The following PDE8A variants were observed in gnomAD, a reference collection of about 807,000 sequenced individuals.
PDE8A encodes the protein high affinity cAMP-specific and IBMX-insensitive 3',5'-cyclic phosphodiesterase 8A.
A neutral mutation model predicts 105.0 loss-of-function variants in PDE8A; 59 were observed. The ratio of observed to expected loss-of-function variants is 0.56; its 90% CI spans 0.46 to 0.70. The LOEUF (loss-of-function observed/expected upper bound fraction) is 0.70. PDE8A is among the 30% of genes least tolerant of loss of function. The pLI is 0.00. For synonymous variants in PDE8A, 355 were observed against 371.9 expected (o/e 0.95, Z 0.52); for missense variants, 1,014 against 1,045.9 (o/e 0.97, Z 0.42).
intron 11 of PDE8A, 34 bp from the exon 12 acceptor site, chr15:85,109,019 C>T: frequency 1.4e-6 from 2 of 1,427,102 alleles, no homozygotes; most frequent in Non-Finnish European, 2.0e-6. Context: ...GTTTAAATAT[C>T]TTTGAAGAGG....
intron 17 of PDE8A, among the ~76,000 whole-genome samples, chr15:85,119,606 G>A (rs2082150525): frequency 1.3e-5 from 2 of 151,770 alleles, no homozygotes; most frequent in Non-Finnish European, 2.9e-5. Context: ...CATCTCAAGA[G>A]TCTGTAGGGT....
At chr15:85,049,792 T>C (rs1175723718) in intron 1 of PDE8A, among the ~76,000 whole-genome samples, 1 of 152,274 alleles carries the variant, frequency 6.6e-6, no homozygotes, top group Non-Finnish European at 1.5e-5. Context: ...GTTATGAACA[T>C]GTGCATACAG....
At chr15:85,050,136 G>A (rs1274895903) in intron 1 of PDE8A, among the ~76,000 whole-genome samples, 1 of 152,084 alleles carries the variant, frequency 6.6e-6, no homozygotes, top group Non-Finnish European at 1.5e-5. Context: ...AGAAGAATGT[G>A]TATGTTCAAG....
intron 11 of PDE8A, among the ~76,000 whole-genome samples, chr15:85,107,057 C>T (rs1005789043): frequency 2.6e-5 from 4 of 152,166 alleles, no homozygotes; most frequent in Non-Finnish European, 5.9e-5. Context: ...GAAGGCAAGA[C>T]AATAAAGCAG....
At chr15:85,028,614 A>AT (rs2080558689) in intron 1 of PDE8A, among the ~76,000 whole-genome samples, 1 of 152,166 alleles carries the variant, frequency 6.6e-6, no homozygotes, top group Admixed American at 6.5e-5. Flanking sequence ...TATTCCTTGT[A>AT]TTTCGCAATT....
chr15:85,058,146 T>C (rs559696799), intron 1 of PDE8A, among the ~76,000 whole-genome samples: 1 of 152,314 alleles, frequency 6.6e-6, no homozygotes, highest in South Asian at 2.1e-4. Flanking sequence ...AGTGGCACAG[T>C]CTTGTCTCAC....
chr15:85,079,040 AG>A (rs1358175363), intron 5 of PDE8A, among the ~76,000 whole-genome samples: 1 of 152,174 alleles, frequency 6.6e-6, no homozygotes, highest in African/African-American at 2.4e-5. Flanking sequence ...AAAAGTAGTG[AG>A]CTATAAACCC....
At position 85,123,179 on chromosome 15, in the gene PDE8A, C is replaced by T. The variant is rs2082208205; in HGVS notation, c.2071C>T (p.Leu691=). Residue 691 remains leucine, a synonymous_variant, in exon 19 of 22, where the codon CTA becomes TTA. Coordinates refer to ENST00000394553, the MANE Select transcript of PDE8A (RefSeq NM_002605.3). ...CAGCATCAACAAACCCTTGGCAACA[C>T]TAGAAGAAAATGGGGTAAGGGAAAC... The part of the protein sequence containing the change: ...VNSINKPLAT[L]EENGETDKNQ... 1.2e-6 allele frequency: 2 copies of T among 1,613,860 alleles called. No homozygotes were observed. The highest frequency in any genetic ancestry group is 1.7e-6 in the Non-Finnish European group (2 of 1,179,934).
rs2080888258 is a variant in PDE8A, at chr15:85,046,362, C to T, written c.187-18008C>T. ...CCACGCCCAGCCATTCTTTCTGTTT[C>T]TTAATGGAATAAAGTACCTATGAAA... On this transcript the variant is annotated intron_variant, in intron 1 of 21. Transcript: ENST00000394553. 2.0e-5 allele frequency among the ~76,000 whole-genome samples: 3 copies of T among 152,136 alleles called. No individual in the cohort carries two copies. In the South Asian group the frequency reaches 6.2e-4, roughly 32 times the overall value.
intron 1 of PDE8A, chr15:85,064,153 G>A: frequency 2.1e-6 from 1 of 476,278 alleles, no homozygotes. Context: ...CATTTTATTT[G>A]TTCATTTTAT....
At chr15:85,101,422 A>G (rs1453819383) in intron 11 of PDE8A, among the ~76,000 whole-genome samples, 4 of 152,204 alleles carry the variant, frequency 2.6e-5, no homozygotes, top group Admixed American at 2.6e-4. Context: ...ACAGGCATAG[A>G]AGGGGGAAAG....
rs2082410852 is a variant in PDE8A at position 85,136,423 on chromosome 15, A to G, written c.2254-111A>G. 3.4e-6 allele frequency: 4 copies of G among 1,162,846 alleles called. No homozygotes were observed. In the South Asian group the frequency reaches 5.9e-5, roughly 17 times the overall value. 72.0% of individuals were successfully genotyped at this position (1,162,846 alleles called of 1,614,324 possible). A position where few individuals can be genotyped will look rare whatever the true frequency, so the allele number is the denominator to read the frequency against. On this transcript the variant is annotated intron_variant, in intron 20 of 21. Transcript: ENST00000394553. ...GTGAGGTGGTGATTGGCTTCTCACCATGACAAGCCACCTTAGGCTGCCAGG... is the reference window on the plus strand; with the variant it reads ...GTGAGGTGGTGATTGGCTTCTCACCGTGACAAGCCACCTTAGGCTGCCAGG...
At chr15:85,001,123 C>T (rs989491230) in intron 1 of PDE8A, among the ~76,000 whole-genome samples, 8 of 152,180 alleles carry the variant, frequency 5.3e-5, no homozygotes, top group African/African-American at 1.9e-4. Flanking sequence ...TCTCCAGCTT[C>T]TTCCTGTGCC....
At position 85,132,837 on chromosome 15, in the gene PDE8A, TC is replaced by T. The variant is rs1477682357; in HGVS notation, c.2254-3696del. ...ACCTGTCATTTCCTATAGTTCCTGG[TC>T]TGTGTGTGTGTGTGTGTGTGTGTTT... On this transcript the variant is annotated intron_variant, in intron 20 of 21. Transcript: ENST00000394553. Among the ~76,000 whole-genome samples, 6 of 58,976 alleles carry T rather than the reference TC, an allele frequency of 1.0e-4. No homozygotes were observed. The African/African-American group carries it at 1.3e-3, about 13-fold the overall frequency. The allele number at this position is 58,976 out of a possible 152,430, so 38.7% of individuals were successfully genotyped here.
At chr15:85,109,166 A>ACAGTGATTTG in intron 12 of PDE8A, 36 bp downstream of exon 12, 2 of 1,438,952 alleles carry the variant, frequency 1.4e-6, no homozygotes, top group Non-Finnish European at 2.0e-6. Flanking sequence ...AATGTGATCA[A>ACAGTGATTTG]ATCACTGTTG....
intron 5 of PDE8A, among the ~76,000 whole-genome samples, chr15:85,077,966 A>C (rs2141486370): frequency 6.6e-6 from 1 of 150,580 alleles, no homozygotes; most frequent in African/African-American, 2.5e-5. Flanking sequence ...GTGAAGTTTT[A>C]GTTGTGTATA....
chr15:85,019,652 G>C (rs2080387794), intron 1 of PDE8A, among the ~76,000 whole-genome samples: 1 of 151,960 alleles, frequency 6.6e-6, no homozygotes, highest in Non-Finnish European at 1.5e-5. Flanking sequence ...CATGATCTTG[G>C]CTCTGCAACC....
At chr15:85,024,241 T>C (rs963372293) in intron 1 of PDE8A, among the ~76,000 whole-genome samples, 3 of 152,204 alleles carry the variant, frequency 2.0e-5, no homozygotes, top group African/African-American at 7.2e-5. Flanking sequence ...TCGTCTGCTG[T>C]CCTTCCCTCC....
At chr15:85,128,052 C>CAAAAAAAA (rs61221393) in intron 20 of PDE8A, among the ~76,000 whole-genome samples, 4 of 57,224 alleles carry the variant, frequency 7.0e-5, no homozygotes, top group African/African-American at 1.1e-4. Flanking sequence ...TATTCCTATG[C>CAAAAAAAA]AAAAAAAAAA....
Sources: allele counts gnomAD v4.1 joint callset (sites outside exome capture counted in the v4.1 genomes callset), GRCh38; gene constraint gnomAD v4.1.1; transcripts MANE v1.5; gene names NCBI Gene and HGNC (gene_info 2026-07-23, HGNC 2026-07-21).